RPSA2: variants seen among roughly 807,000 people sequenced by gnomAD.
The protein encoded by RPSA2 is small ribosomal subunit protein uS2B.
chr19:23,845,133 G>A, the RPSA2 span, among the ~76,000 whole-genome samples: 1 of 1,452 alleles, frequency 6.9e-4, no homozygotes, highest in African/African-American at 1.1e-3. Context: ...TTCTGATTTT[G>A]TTTATTTAGA....
At chr19:23,830,569 T>A in the RPSA2 span, among the ~76,000 whole-genome samples, 15 of 46,918 alleles carry the variant, frequency 3.2e-4, no homozygotes, top group Non-Finnish European at 5.3e-4. Context: ...CTTCTTTATT[T>A]TTACATCATA....
the RPSA2 span, among the ~76,000 whole-genome samples, chr19:23,840,198 C>A: frequency 6.6e-6 from 1 of 152,206 alleles, no homozygotes; most frequent in Non-Finnish European, 1.5e-5. Context: ...ATTTTCATTT[C>A]TACTTCTGAT....
chr19:23,867,166 G>A, the RPSA2 span, among the ~76,000 whole-genome samples: 5,129 of 152,120 alleles, frequency 0.034, 135 homozygotes, highest in Non-Finnish European at 0.053. Context: ...AAAATGTATG[G>A]GCTTATGGAC....
chr19:23,782,928 A>G, the RPSA2 span, among the ~76,000 whole-genome samples: 3 of 151,928 alleles, frequency 2.0e-5, no homozygotes, highest in Non-Finnish European at 1.5e-5. Context: ...CCTCAGGGGT[A>G]TTGTGAAATA....
the RPSA2 span, among the ~76,000 whole-genome samples, chr19:23,803,285 C>T: frequency 3.3e-5 from 5 of 152,202 alleles, no homozygotes; most frequent in East Asian, 9.7e-4. Context: ...TAGAAGAGAT[C>T]AGAGTTTTGG....
chr19:23,803,515 C>T, the RPSA2 span, among the ~76,000 whole-genome samples: 5 of 152,040 alleles, frequency 3.3e-5, no homozygotes, highest in Non-Finnish European at 5.9e-5. Context: ...ATAAACACAA[C>T]AAAAATTCAT....
At chr19:23,864,660 T>C in the RPSA2 span, among the ~76,000 whole-genome samples, 17 of 152,342 alleles carry the variant, frequency 1.1e-4, no homozygotes, top group East Asian at 3.3e-3. Flanking sequence ...ATACTGATTT[T>C]AATTTTGGAT....
the RPSA2 span, among the ~76,000 whole-genome samples, chr19:23,785,108 G>T: frequency 6.6e-6 from 1 of 152,096 alleles, no homozygotes; most frequent in Non-Finnish European, 1.5e-5. Context: ...CATATCTCTT[G>T]ACTCTGCACC....
At chr19:23,859,238 A>G in the RPSA2 span, among the ~76,000 whole-genome samples, 1 of 152,208 alleles carries the variant, frequency 6.6e-6, no homozygotes, top group African/African-American at 2.4e-5. Flanking sequence ...ACGTACAAAC[A>G]TGACATCAAA....
the RPSA2 span, among the ~76,000 whole-genome samples, chr19:23,857,930 T>G: frequency 6.6e-6 from 1 of 152,136 alleles, no homozygotes; most frequent in African/African-American, 2.4e-5. Context: ...TTATACTGAT[T>G]TCTGCACATC....
At chr19:23,832,665 A>G in the RPSA2 span, 4 of 1,475,284 alleles carry the variant, frequency 2.7e-6, no homozygotes, top group African/African-American at 1.4e-5. Context: ...AAGCATTTCT[A>G]TGGTTCATTA....
chr19:23,853,633 A>G, the RPSA2 span, among the ~76,000 whole-genome samples: 1 of 152,202 alleles, frequency 6.6e-6, no homozygotes, highest in African/African-American at 2.4e-5. Context: ...TTGGGCTGGT[A>G]CCGAGTCTGG....
At chr19:23,867,568 C>A in the RPSA2 span, among the ~76,000 whole-genome samples, 5 of 152,196 alleles carry the variant, frequency 3.3e-5, 1 homozygote, top group South Asian at 8.3e-4. Context: ...CGGTGGCTCA[C>A]GCCTGTAATC....
chr19:23,779,899 A>G, the RPSA2 span, among the ~76,000 whole-genome samples: 1 of 152,148 alleles, frequency 6.6e-6, no homozygotes, highest in South Asian at 2.1e-4. Context: ...CTGGTTGAGA[A>G]CCCAGATGAT....
chr19:23,855,072 G>A, the RPSA2 span, among the ~76,000 whole-genome samples: 1 of 152,136 alleles, frequency 6.6e-6, no homozygotes, highest in Non-Finnish European at 1.5e-5. Flanking sequence ...AAAGAAACAG[G>A]AGCTTGGCCT....
At chr19:23,854,526 G>A in the RPSA2 span, among the ~76,000 whole-genome samples, 1 of 152,120 alleles carries the variant, frequency 6.6e-6, no homozygotes, top group African/African-American at 2.4e-5. Context: ...ATTGGGGCCT[G>A]GGACTGGCCC....
chr19:23,806,706 A>G, the RPSA2 span, among the ~76,000 whole-genome samples: 1 of 146,800 alleles, frequency 6.8e-6, no homozygotes, highest in Non-Finnish European at 1.5e-5. Context: ...AATCACTTGA[A>G]CCTTGAAGGC....
chr19:23,855,439 A>G, the RPSA2 span, among the ~76,000 whole-genome samples: 1 of 152,182 alleles, frequency 6.6e-6, no homozygotes, highest in East Asian at 1.9e-4. Flanking sequence ...AAAACGTAAG[A>G]TTGAGTGGCA....
At chr19:23,851,220 G>A in the RPSA2 span, among the ~76,000 whole-genome samples, 1 of 152,116 alleles carries the variant, frequency 6.6e-6, no homozygotes, top group African/African-American at 2.4e-5. Context: ...TAGGAGTTAG[G>A]CCCTCTGGGA....
Sources: allele counts gnomAD v4.1 joint callset (sites outside exome capture counted in the v4.1 genomes callset), GRCh38; gene constraint gnomAD v4.1.1; transcripts MANE v1.5; gene names NCBI Gene and HGNC (gene_info 2026-07-23, HGNC 2026-07-21).